Variants in SMIM8 observed in about 807,000 individuals in gnomAD.
SMIM8 encodes the protein UPF0708 protein C6orf162.
SMIM8 carries 8 observed loss-of-function variants against 8.1 expected under a neutral mutation model. That is an observed-to-expected ratio of 0.99 (90% CI 0.58 to 1.78). SMIM8 has a LOEUF of 1.78. Among genes scored for constraint, SMIM8 ranks in the 40% most tolerant of loss-of-function variants. SMIM8 has a pLI of 0.00. For missense variants in SMIM8, 126 were observed against 119.8 expected (o/e 1.05, Z -0.24); for synonymous variants, 45 against 39.7 (o/e 1.13, Z -0.50).
intron 2 of SMIM8, among the ~76,000 whole-genome samples, chr6:87,336,445 G>A (rs1401107677): frequency 2.0e-5 from 3 of 152,180 alleles, no homozygotes; most frequent in Non-Finnish European, 4.4e-5. Flanking sequence ...GATTGGCAAT[G>A]GAAGAGTAAG....
chr6:87,328,358 C>G (rs1381333579), intron 1 of SMIM8, among the ~76,000 whole-genome samples: 3 of 152,150 alleles, frequency 2.0e-5, no homozygotes, highest in South Asian at 2.1e-4. Flanking sequence ...TTTTTCTGCT[C>G]TGTTTTTTCC....
intron 1 of SMIM8, among the ~76,000 whole-genome samples, chr6:87,323,597 C>T (rs1776729166): frequency 6.6e-6 from 1 of 152,026 alleles, no homozygotes; most frequent in African/African-American, 2.4e-5. Context: ...CTACAAAGGA[C>T]ATGAACTCAT....
intron 1 of SMIM8, among the ~76,000 whole-genome samples, chr6:87,328,325 A>G (rs6901508): frequency 0.88 from 134,219 of 152,162 alleles, 59,288 homozygotes; most frequent in South Asian, 0.93. Flanking sequence ...GAGGAGAGGC[A>G]CTCTGCTTTT....
chr6:87,327,294 A>C (rs1353159412), intron 1 of SMIM8, among the ~76,000 whole-genome samples: 3 of 150,324 alleles, frequency 2.0e-5, no homozygotes, highest in Non-Finnish European at 4.4e-5. Flanking sequence ...TTATGTGTGA[A>C]TTTGATCCTG....
chr6:87,327,160 T>A (rs1776844727), intron 1 of SMIM8, among the ~76,000 whole-genome samples: 1 of 150,910 alleles, frequency 6.6e-6, no homozygotes, highest in African/African-American at 2.5e-5. Flanking sequence ...CCTATGTGTG[T>A]CTCTGCACGT....
At chr6:87,333,487 T>A (rs556156549) in intron 2 of SMIM8, among the ~76,000 whole-genome samples, 30 of 152,152 alleles carry the variant, frequency 2.0e-4, no homozygotes, top group Admixed American at 1.3e-3. Flanking sequence ...TGGCCAACAT[T>A]TGTTACTTAA....
intron 1 of SMIM8, among the ~76,000 whole-genome samples, chr6:87,326,203 C>T (rs985128656): frequency 5.9e-5 from 9 of 152,020 alleles, no homozygotes; most frequent in East Asian, 3.8e-4. Flanking sequence ...TTTGTTGATC[C>T]GTTCAAAAAA....
intron 3 of SMIM8, 41 bp from the exon 4 acceptor site, chr6:87,340,075 T>A: frequency 6.9e-7 from 1 of 1,459,128 alleles, no homozygotes; most frequent in Non-Finnish European, 9.0e-7. Context: ...CCTCAAATTG[T>A]TAGTCTTACT....
At chr6:87,327,875 G>T (rs375984526) in intron 1 of SMIM8, among the ~76,000 whole-genome samples, 1 of 148,636 alleles carries the variant, frequency 6.7e-6, no homozygotes, top group East Asian at 1.9e-4. Context: ...CATTCTCCCC[G>T]TCACTTTCAG....
chr6:87,339,528 A>G (rs1414320595), intron 3 of SMIM8, among the ~76,000 whole-genome samples: 1 of 152,008 alleles, frequency 6.6e-6, no homozygotes, highest in African/African-American at 2.4e-5. Context: ...ATCAAGGTTA[A>G]CAGCATAATA....
intron 1 of SMIM8, among the ~76,000 whole-genome samples, chr6:87,328,216 C>T (rs1189659057): frequency 6.6e-6 from 1 of 152,172 alleles, no homozygotes; most frequent in Non-Finnish European, 1.5e-5. Context: ...TCCCGTAGCT[C>T]GGAATAATTT....
chr6:87,339,967 T>C, intron 3 of SMIM8, 149 bp from the exon 4 acceptor site: 1 of 567,540 alleles, frequency 1.8e-6, no homozygotes, highest in Non-Finnish European at 2.9e-6. Context: ...AATAAAGAAC[T>C]GAATAAATGA....
At chr6:87,328,042 C>T (rs1176614791) in intron 1 of SMIM8, among the ~76,000 whole-genome samples, 3 of 152,106 alleles carry the variant, frequency 2.0e-5, no homozygotes, top group Non-Finnish European at 4.4e-5. Context: ...TCCAGTTGAT[C>T]GCATCAGCTC....
Position 87,339,999 on chromosome 6 carries a change from G to A in SMIM8, c.136-117G>A, listed in dbSNP as rs529390989. The A allele has an allele frequency of 9.3e-5, 63 of 678,892 alleles. 3 individuals are homozygous for A. The South Asian group carries it at 1.4e-3, about 16-fold the overall frequency. 42.1% of individuals were successfully genotyped at this position (678,892 alleles called of 1,614,324 possible). A position where few individuals can be genotyped will look rare whatever the true frequency, so the allele number is the denominator to read the frequency against. ...ATGATTTTAATTGAAATATTGCCATGGTAATGCTAGTGTTGTAATAAAGAT... is the reference window on the plus strand; with the variant it reads ...ATGATTTTAATTGAAATATTGCCATAGTAATGCTAGTGTTGTAATAAAGAT... On this transcript the variant is annotated intron_variant, in intron 3 of 3. Coordinates refer to ENST00000392863, the MANE Select transcript of SMIM8 (RefSeq NM_001042493.3).
Position 87,342,105 on chromosome 6 carries a change from G to C in SMIM8, c.*1831G>C, listed in dbSNP as rs558398460. The C allele has an allele frequency of 6.6e-6, 1 of 152,276 alleles. No homozygotes were observed. Among genetic ancestry groups the C allele is most frequent in the Non-Finnish European group, 1.5e-5 (1 of 68,030 alleles). The allele number at this position is 152,276 out of a possible 1,614,324, so 9.4% of individuals were successfully genotyped here. On this transcript the variant is annotated 3_prime_UTR_variant, in exon 4 of 4. Transcript: ENST00000392863. ...GAATGAACCAAAGTAACTAGAGTCA[G>C]TCAAGCACAAAGCTGTGAAAAGTAG...
chr6:87,335,125 G>A (rs1197796705), intron 2 of SMIM8, among the ~76,000 whole-genome samples: 1 of 152,170 alleles, frequency 6.6e-6, no homozygotes, highest in East Asian at 1.9e-4. Flanking sequence ...GCAGAGACTT[G>A]GTGATCTATA....
intron 1 of SMIM8, among the ~76,000 whole-genome samples, chr6:87,328,088 CTTGG>C: frequency 6.6e-6 from 1 of 152,164 alleles, no homozygotes; most frequent in Non-Finnish European, 1.5e-5. Context: ...GTTCTTGAGC[CTTGG>C]TTTTCAGCTC....
Position 87,337,113 on chromosome 6 carries a change from G to T in SMIM8, c.82G>T (p.Val28Leu), listed in dbSNP as rs1242900533. 2 of 1,613,206 alleles carry T rather than the reference G, an allele frequency of 1.2e-6. No homozygotes were observed. Among genetic ancestry groups the T allele is most frequent in the Non-Finnish European group, 1.7e-6 (2 of 1,179,482 alleles). The change falls in exon 3 of 4, where the codon GTG (valine) becomes TTG (leucine). Residue 28 changes from valine (V) to leucine (L), a missense_variant. Coordinates refer to ENST00000392863, the MANE Select transcript of SMIM8 (RefSeq NM_001042493.3). ...GTTTCAAAGCCCAGGGCTCAGAGGG[G>T]TGCGCACAACAACCTTATTTCGTGC... ...KEFQSPGLRG[V>L]RTTTLFRAVN... is the part of the protein sequence containing the mutation.
chr6:87,324,483 C>T (rs1246457816), intron 1 of SMIM8, among the ~76,000 whole-genome samples: 2 of 150,612 alleles, frequency 1.3e-5, no homozygotes, highest in Admixed American at 1.3e-4. Context: ...CAGCTTTCTA[C>T]ATATGGCTAG....
Sources: allele counts gnomAD v4.1 joint callset (sites outside exome capture counted in the v4.1 genomes callset), GRCh38; gene constraint gnomAD v4.1.1; transcripts MANE v1.5; gene names NCBI Gene and HGNC (gene_info 2026-07-23, HGNC 2026-07-21).